The following NOS1 variants were observed in gnomAD, a reference collection of about 807,000 sequenced individuals.
NOS1 encodes NOS type I.
NOS1 carries 51 observed loss-of-function variants against 164.5 expected under a neutral mutation model. The ratio of observed to expected loss-of-function variants is 0.31; its 90% CI spans 0.25 to 0.39. The LOEUF (loss-of-function observed/expected upper bound fraction) is 0.39. NOS1 is among the 10% of genes least tolerant of loss of function. The pLI, the probability that NOS1 is intolerant of heterozygous loss-of-function variation, is 1.00. For synonymous variants in NOS1, 719 were observed against 745.8 expected, an observed-to-expected ratio of 0.96 and a Z score of 0.59; for missense variants, 1,362 against 1,885.6, an observed-to-expected ratio of 0.72 and a Z score of 5.14.
intron 4 of NOS1, 57 bp downstream of exon 4, chr12:117,290,241 A>G: frequency 2.5e-6 from 4 of 1,600,530 alleles, no homozygotes; most frequent in Non-Finnish European, 3.4e-6. Flanking sequence ...TCCGACTCCA[A>G]ATGTGGATAG....
chr12:117,239,881 C>T (rs1438266456), intron 20 of NOS1, among the ~76,000 whole-genome samples: 1 of 151,968 alleles, frequency 6.6e-6, no homozygotes, highest in Non-Finnish European at 1.5e-5. Context: ...TTTAATTCTA[C>T]ACTCCAGTTC....
At position 117,214,498 on chromosome 12, in the gene NOS1, C is replaced by G; in HGVS notation, c.*811G>C. 2 of 985,338 alleles carry G rather than the reference C, an allele frequency of 2.0e-6. No homozygotes were observed. Among genetic ancestry groups the G allele is most frequent in the Non-Finnish European group, 2.4e-6 (2 of 829,922 alleles). 61.0% of individuals were successfully genotyped at this position (985,338 alleles called of 1,614,324 possible). ...GGTGGGTTTGGGGAGGGGATTTGCACAATCCATTGGATGGGTTCATGTCAC... is the reference window on the plus strand; with the variant it reads ...GGTGGGTTTGGGGAGGGGATTTGCAGAATCCATTGGATGGGTTCATGTCAC... On this transcript the variant is annotated 3_prime_UTR_variant, in exon 29 of 29. Transcript: ENST00000317775.
At chr12:117,354,551 A>G (rs2136097157) in intron 1 of NOS1, among the ~76,000 whole-genome samples, 1 of 152,328 alleles carries the variant, frequency 6.6e-6, no homozygotes, top group South Asian at 2.1e-4. Context: ...TATGCCCAAA[A>G]TATGTCAGTT....
intron 2 of NOS1, among the ~76,000 whole-genome samples, chr12:117,324,209 A>C (rs947769775): frequency 2.6e-5 from 4 of 152,166 alleles, no homozygotes; most frequent in Non-Finnish European, 5.9e-5. Context: ...AAGTAGGCTG[A>C]AACTACACAT....
chr12:117,265,267 A>G, intron 12 of NOS1, 49 bp downstream of exon 12: 1 of 1,461,316 alleles, frequency 6.8e-7, no homozygotes, highest in African/African-American at 1.4e-5. Context: ...TGACACACAC[A>G]CCAGATACAG....
intron 2 of NOS1, among the ~76,000 whole-genome samples, chr12:117,321,231 A>G (rs1210114922): frequency 6.6e-6 from 1 of 152,096 alleles, no homozygotes; most frequent in Non-Finnish European, 1.5e-5. Flanking sequence ...GCTGGTCTCA[A>G]ACTCCTGACC....
Position 117,225,208 on chromosome 12 carries a change from A to T in NOS1, c.3705-71T>A. 7 of 1,539,656 alleles carry T rather than the reference A, an allele frequency of 4.5e-6. No individual in the cohort carries two copies. The South Asian group carries it at 7.7e-5, about 17-fold the overall frequency. On this transcript the variant is annotated intron_variant, in intron 24 of 28. Transcript: ENST00000317775. ...AATCAAGAACAATTGAATCTTAGGT[A>T]GACCAGGTGGCCATCTTCGGTAGAC...
chr12:117,345,600 T>C (rs1309056776), intron 1 of NOS1, among the ~76,000 whole-genome samples: 2 of 152,174 alleles, frequency 1.3e-5, no homozygotes, highest in Admixed American at 6.5e-5. Flanking sequence ...AAGGGAACCA[T>C]AGATGATAAT....
At chr12:117,277,413 C>T (rs568850364) in intron 9 of NOS1, among the ~76,000 whole-genome samples, 2 of 151,328 alleles carry the variant, frequency 1.3e-5, no homozygotes, top group African/African-American at 2.4e-5. Flanking sequence ...GGCAAAACCC[C>T]GTCTCTACTA....
chr12:117,330,211 A>T lies in NOS1; in HGVS notation c.725+134T>A. On this transcript the variant is annotated intron_variant, in intron 2 of 28. Transcript: ENST00000317775. This position sits in a 1 kb window ranked among gnomAD's most constrained non-coding sequence, Gnocchi z 4.6. ...AGATCAAGGGGGCCGTCAAGTGGTT[A>T]TGCAAAAACAGGTATCTGAGACAGC... 8.0e-6 allele frequency: 11 copies of T among 1,369,100 alleles called. No individual in the cohort carries two copies. Among genetic ancestry groups the T allele is most frequent in the Non-Finnish European group, 1.0e-5 (11 of 1,048,858 alleles). The allele number at this position is 1,369,100 out of a possible 1,614,324, so 84.8% of individuals were successfully genotyped here.
At chr12:117,324,611 G>C (rs1875150252) in intron 2 of NOS1, among the ~76,000 whole-genome samples, 1 of 152,096 alleles carries the variant, frequency 6.6e-6, no homozygotes, top group African/African-American at 2.4e-5. Context: ...AGTTACTTGG[G>C]GAGCTGAGGT....
At chr12:117,288,404 G>A (rs1331692729) in intron 4 of NOS1, among the ~76,000 whole-genome samples, 185 bp from the exon 5 acceptor site, 1 of 152,142 alleles carries the variant, frequency 6.6e-6, no homozygotes, top group Non-Finnish European at 1.5e-5. Flanking sequence ...GGAACAATAA[G>A]TAGCATTTTA....
chr12:117,218,667 C>T (rs987095467), intron 27 of NOS1, among the ~76,000 whole-genome samples: 4 of 152,032 alleles, frequency 2.6e-5, no homozygotes, highest in Non-Finnish European at 5.9e-5. Flanking sequence ...GTGAGTTTTT[C>T]TGAAGATGAG....
Position 117,209,631 on chromosome 12 carries a change from A to G in NOS1, c.*5678T>C, listed in dbSNP as rs1217177622. On this transcript the variant is annotated 3_prime_UTR_variant, in exon 29 of 29. Transcript: ENST00000317775. ...GAACAAAACAAACTCATATAAACAT[A>G]CTAAGGCATATTGACAGCTGACCAC... 5 of 985,378 alleles carry G rather than the reference A, an allele frequency of 5.1e-6. No homozygotes were observed. In the African/African-American group the frequency reaches 8.7e-5, roughly 17 times the overall value. The allele number at this position is 985,378 out of a possible 1,614,324, so 61.0% of individuals were successfully genotyped here.
Position 117,211,964 on chromosome 12 carries a change from C to T in NOS1, c.*3345G>A. The T allele has an allele frequency of 1.5e-6, 1 of 651,310 alleles. No homozygotes were observed. Among genetic ancestry groups the T allele is most frequent in the Non-Finnish European group, 1.9e-6 (1 of 525,138 alleles). The allele number at this position is 651,310 out of a possible 1,614,324, so 40.3% of individuals were successfully genotyped here. On this transcript the variant is annotated 3_prime_UTR_variant, in exon 29 of 29. Transcript: ENST00000317775. Reference sequence around the variant, plus strand: ...CCTGTAGTCCCAGTTACTCAGGAGGCCGAGGCAGAAGAATCACTTGAACTG... The same window carrying T: ...CCTGTAGTCCCAGTTACTCAGGAGGTCGAGGCAGAAGAATCACTTGAACTG...
At chr12:117,315,742 A>C (rs1874641228) in intron 2 of NOS1, among the ~76,000 whole-genome samples, 1 of 152,202 alleles carries the variant, frequency 6.6e-6, no homozygotes. Context: ...TGCTGGTTAT[A>C]AACTGTGCAA....
chr12:117,290,326 G>C lies in NOS1; in HGVS notation c.953C>G (p.Thr318Ser), dbSNP rs758408165. Reference protein sequence around the residue: ...VKNWETEVVLTDTLHLKSTLE... With the variant: ...VKNWETEVVLSDTLHLKSTLE... ...TGTGCTCTTAAGGTGGAGGGTGTCA[G>C]TGAGAACCACCTCAGTCTCCCAGTT... Residue 318 changes from threonine (T) to serine (S), a missense_variant, in exon 4 of 29, where the codon ACT becomes AGT. This residue lies in a region of NOS1 where 129 missense variants were observed against 186.0 expected (regional missense o/e 0.69). Coordinates refer to ENST00000317775, the MANE Select transcript of NOS1 (RefSeq NM_000620.5). 6.2e-7 allele frequency: 1 copy of C among 1,614,184 alleles called. No homozygotes were observed. Among genetic ancestry groups the C allele is most frequent in the South Asian group, 1.1e-5 (1 of 91,070 alleles).
intron 26 of NOS1, 61 bp from the exon 27 acceptor site, chr12:117,220,330 A>G: frequency 6.7e-7 from 1 of 1,489,704 alleles, no homozygotes; most frequent in Non-Finnish European, 9.0e-7. Context: ...GCCATAGCCC[A>G]TGTCTGCCCA....
intron 3 of NOS1, among the ~76,000 whole-genome samples, chr12:117,300,914 G>A (rs1873773998): frequency 6.6e-6 from 1 of 152,166 alleles, no homozygotes; most frequent in Non-Finnish European, 1.5e-5. Context: ...AGCCTCAAGG[G>A]AGCCGATGGA....
Sources: allele counts gnomAD v4.1 joint callset (sites outside exome capture counted in the v4.1 genomes callset), GRCh38; gene constraint gnomAD v4.1.1; regional missense constraint gnomAD v4.1.1; non-coding constraint Gnocchi (gnomAD v3.1); transcripts MANE v1.5; gene names NCBI Gene and HGNC (gene_info 2026-07-23, HGNC 2026-07-21).